The following ZFPM2 variants were observed in gnomAD, a reference collection of about 807,000 sequenced individuals.
ZFPM2 encodes zinc finger protein, FOG family member 2.
Under a neutral mutation model 98.6 loss-of-function variants are expected in ZFPM2, and 20 were observed. The ratio of observed to expected loss-of-function variants is 0.20; its 90% CI spans 0.14 to 0.29. The LOEUF (loss-of-function observed/expected upper bound fraction) is 0.29. Ranked by LOEUF, ZFPM2 falls within the 10% of genes least tolerant of loss-of-function variation. The pLI, the probability that ZFPM2 is intolerant of heterozygous loss-of-function variation, is 1.00. For missense variants in ZFPM2, 1,310 were observed against 1,388.6 expected, an observed-to-expected ratio of 0.94 and a Z score of 0.90; for synonymous variants, 518 against 502.7, an observed-to-expected ratio of 1.03 and a Z score of -0.41.
chr8:105,440,445 T>A (rs1812212658), intron 2 of ZFPM2, among the ~76,000 whole-genome samples: 1 of 152,120 alleles, frequency 6.6e-6, no homozygotes, highest in African/African-American at 2.4e-5. Context: ...ACATACATGG[T>A]GACTGGCCCC....
chr8:105,431,176 G>C (rs1224452859), intron 2 of ZFPM2, among the ~76,000 whole-genome samples: 2 of 151,996 alleles, frequency 1.3e-5, no homozygotes, highest in African/African-American at 2.4e-5. Context: ...CCAAAGTGCT[G>C]GGGTTACAGG....
At chr8:105,553,784 G>C (rs939666157) in intron 3 of ZFPM2, among the ~76,000 whole-genome samples, 4 of 152,140 alleles carry the variant, frequency 2.6e-5, no homozygotes, top group African/African-American at 9.7e-5. Context: ...ATATGGCTAA[G>C]ATCAGAATTA....
At chr8:105,735,474 G>A (rs1586228703) in intron 5 of ZFPM2, among the ~76,000 whole-genome samples, 1 of 151,768 alleles carries the variant, frequency 6.6e-6, no homozygotes. Flanking sequence ...TATTTTAATA[G>A]CTACTGCTTC....
intron 4 of ZFPM2, among the ~76,000 whole-genome samples, chr8:105,606,565 G>T (rs771821429): frequency 2.6e-5 from 4 of 151,902 alleles, no homozygotes; most frequent in Non-Finnish European, 4.4e-5. Flanking sequence ...TTTAAAATAG[G>T]TTATGTATGG....
intron 1 of ZFPM2, among the ~76,000 whole-genome samples, chr8:105,333,435 C>T (rs1812269874): frequency 6.6e-6 from 1 of 151,718 alleles, no homozygotes; most frequent in Non-Finnish European, 1.5e-5. Flanking sequence ...CATTCATATG[C>T]ATTAGCTTAG....
intron 4 of ZFPM2, among the ~76,000 whole-genome samples, chr8:105,591,942 T>C (rs753557968): frequency 9.9e-5 from 15 of 152,210 alleles, no homozygotes; most frequent in Non-Finnish European, 1.8e-4. Context: ...GTTGTTTTGT[T>C]TGTTAATTGT....
chr8:105,355,194 T>A (rs1812718258), intron 1 of ZFPM2, among the ~76,000 whole-genome samples: 1 of 152,212 alleles, frequency 6.6e-6, no homozygotes, highest in South Asian at 2.1e-4. Context: ...ATGCTTTTAT[T>A]TGGCAAAATA....
chr8:105,436,413 G>C (rs1275266467), intron 2 of ZFPM2, among the ~76,000 whole-genome samples: 3 of 151,766 alleles, frequency 2.0e-5, no homozygotes, highest in African/African-American at 7.3e-5. Context: ...CAGCTACTTG[G>C]GAAGGCTGAA....
intron 5 of ZFPM2, among the ~76,000 whole-genome samples, chr8:105,652,865 A>G (rs1216105829): frequency 6.6e-6 from 1 of 152,218 alleles, no homozygotes; most frequent in African/African-American, 2.4e-5. Context: ...TGTGGTCTCA[A>G]TTCCAGAACT....
At chr8:105,394,218 G>C (rs1218773872) in intron 1 of ZFPM2, among the ~76,000 whole-genome samples, 1 of 152,088 alleles carries the variant, frequency 6.6e-6, no homozygotes, top group Non-Finnish European at 1.5e-5. Flanking sequence ...TCTAACTGCT[G>C]TTTCATATTG....
At chr8:105,677,063 TATC>T (rs1229184099) in intron 5 of ZFPM2, among the ~76,000 whole-genome samples, 4 of 152,100 alleles carry the variant, frequency 2.6e-5, no homozygotes, top group African/African-American at 9.7e-5. Context: ...TTGAATCTCT[TATC>T]ATTCTCCCTT....
Position 105,801,345 on chromosome 8 carries a change from C to G in ZFPM2, c.1263C>G (p.Pro421=), listed in dbSNP as rs768549497. ...ACTTATTGACCAGAAGCGAACTTCC[C>G]CAGAGCCAAAAGGCCATGCAGACTA... The part of the protein sequence containing the change: ...ATDLLTRSEL[P]QSQKAMQTKD... Residue 421 remains proline (P), a synonymous_variant, in exon 8 of 8, where the codon CCC becomes CCG. Coordinates refer to ENST00000407775, the MANE Select transcript of ZFPM2 (RefSeq NM_012082.4). The G allele has an allele frequency of 6.2e-7, 1 of 1,613,878 alleles. No individual in the cohort carries two copies.
At chr8:105,335,915 G>T (rs1197377631) in intron 1 of ZFPM2, among the ~76,000 whole-genome samples, 2 of 151,708 alleles carry the variant, frequency 1.3e-5, no homozygotes, top group African/African-American at 4.8e-5. Flanking sequence ...AAATGTATTA[G>T]CCCAGAGGTC....
At chr8:105,495,433 G>A (rs1018846165) in intron 3 of ZFPM2, among the ~76,000 whole-genome samples, 3 of 152,158 alleles carry the variant, frequency 2.0e-5, no homozygotes, top group Admixed American at 1.3e-4. Context: ...AGGAAAGAAT[G>A]AATACATTGG....
chr8:105,513,634 G>A (rs920858645), intron 3 of ZFPM2, among the ~76,000 whole-genome samples: 2 of 152,188 alleles, frequency 1.3e-5, no homozygotes, highest in African/African-American at 4.8e-5. Context: ...AAAGATGGAA[G>A]TGTACATTTG....
At chr8:105,563,326 G>A (rs921893820) in intron 4 of ZFPM2, among the ~76,000 whole-genome samples, 1 of 152,142 alleles carries the variant, frequency 6.6e-6, no homozygotes, top group African/African-American at 2.4e-5. Context: ...GAATAAATAG[G>A]AAATATTTGT....
chr8:105,750,582 AT>A (rs1812452768), intron 5 of ZFPM2, among the ~76,000 whole-genome samples: 2 of 151,986 alleles, frequency 1.3e-5, no homozygotes, highest in Non-Finnish European at 2.9e-5. Flanking sequence ...GTCTCTCACA[AT>A]TTTCAGTGGG....
chr8:105,520,366 T>C (rs1814025162), intron 3 of ZFPM2, among the ~76,000 whole-genome samples: 1 of 152,088 alleles, frequency 6.6e-6, no homozygotes. Context: ...ATGCAGAAGC[T>C]CAACATGCAT....
chr8:105,580,827 C>CTATATATA (rs3049323), intron 4 of ZFPM2, among the ~76,000 whole-genome samples: 31 of 131,470 alleles, frequency 2.4e-4, no homozygotes, highest in Middle Eastern at 4.0e-3. Context: ...CTCTCTCTCT[C>CTATATATA]TATATATATA....
Sources: allele counts gnomAD v4.1 joint callset (sites outside exome capture counted in the v4.1 genomes callset), GRCh38; gene constraint gnomAD v4.1.1; transcripts MANE v1.5; gene names NCBI Gene and HGNC (gene_info 2026-07-23, HGNC 2026-07-21).